TPR: variants seen among roughly 807,000 people sequenced by gnomAD.
TPR encodes nucleoprotein TPR.
In TPR, 51 loss-of-function variants were observed where a neutral mutation model predicts 316.1. The ratio of observed to expected loss-of-function variants is 0.16; its 90% CI spans 0.13 to 0.20. TPR has a LOEUF of 0.20. Ranked by LOEUF, TPR falls within the 10% of genes least tolerant of loss-of-function variation. TPR has a pLI of 1.00. For missense variants in TPR, 2,272 were observed against 2,754.8 expected (o/e 0.82, Z 3.92); for synonymous variants, 981 against 914.7 (o/e 1.07, Z -1.31).
intron 3 of TPR, among the ~76,000 whole-genome samples, chr1:186,369,604 T>A (rs1309236593): frequency 6.6e-6 from 1 of 152,200 alleles, no homozygotes; most frequent in Non-Finnish European, 1.5e-5. Flanking sequence ...ATCCTTCAAT[T>A]GTATAAATTC....
chr1:186,350,132 A>G, intron 21 of TPR, 91 bp downstream of exon 21: 1 of 1,215,252 alleles, frequency 8.2e-7, no homozygotes, highest in Non-Finnish European at 1.1e-6. Context: ...TAGCATTCAC[A>G]AAGAATTAGG....
chr1:186,365,092 A>C (rs75906210), intron 4 of TPR, among the ~76,000 whole-genome samples: 20,584 of 132,990 alleles, frequency 0.15, 1,559 homozygotes, highest in Non-Finnish European at 0.17. Context: ...TTGCTAGTAA[A>C]GGGGCTGCCC....
intron 29 of TPR, 49 bp downstream of exon 29, chr1:186,340,979 A>G: frequency 6.3e-7 from 1 of 1,582,584 alleles, no homozygotes; most frequent in Non-Finnish European, 8.6e-7. Flanking sequence ...TTCCCCTATT[A>G]TTAAAAACAC....
At chr1:186,344,228 A>AG (rs1658607325) in intron 25 of TPR, 138 bp from the exon 26 acceptor site, 1 of 1,356,380 alleles carries the variant, frequency 7.4e-7, no homozygotes, top group Non-Finnish European at 1.0e-6. Context: ...TGAACCCAGC[A>AG]GGTGGAGATT....
intron 48 of TPR, 34 bp downstream of exon 48, chr1:186,318,413 T>C: frequency 1.9e-6 from 3 of 1,592,318 alleles, no homozygotes; most frequent in Non-Finnish European, 2.6e-6. Flanking sequence ...CTGTTGAGAC[T>C]AAAGCAAGCA....
chr1:186,362,766 A>G (rs1659235384), intron 6 of TPR, 71 bp downstream of exon 6: 4 of 1,330,600 alleles, frequency 3.0e-6, no homozygotes, highest in Non-Finnish European at 4.1e-6. Context: ...TACTGAATAC[A>G]TATTTAATAA....
rs759282483 is a variant in TPR at position 186,362,801 on chromosome 1, C to T, written c.696+36G>A. On this transcript the variant is annotated intron_variant, in intron 6 of 50. Transcript: ENST00000367478. Reference sequence around the variant, plus strand: ...AACTGACATACAAATGTAAGTTATACTCAACATGAAGAAAAACACAATTTT... The same window carrying T: ...AACTGACATACAAATGTAAGTTATATTCAACATGAAGAAAAACACAATTTT... 2.0e-6 allele frequency: 3 copies of T among 1,538,008 alleles called. No homozygotes were observed. In the African/African-American group the frequency reaches 4.2e-5, roughly 21 times the overall value.
At chr1:186,369,472 T>C (rs1444017263) in intron 3 of TPR, among the ~76,000 whole-genome samples, 1 of 152,186 alleles carries the variant, frequency 6.6e-6, no homozygotes, top group Non-Finnish European at 1.5e-5. Flanking sequence ...ACCTCCCAGG[T>C]TAAATTTATT....
chr1:186,318,587 C>A lies in TPR; in HGVS notation c.6681G>T (p.Glu2227Asp). 1 of 1,611,484 alleles carries A rather than the reference C, an allele frequency of 6.2e-7. No homozygotes were observed. Among genetic ancestry groups the A allele is most frequent in the South Asian group, 1.1e-5 (1 of 90,250 alleles). The change falls in exon 48 of 51, where the codon GAG becomes GAT. Residue 2227 changes from glutamate to aspartate, a missense_variant. Glu to Asp is a conservative substitution (Grantham distance 45). Coordinates refer to ENST00000367478, the MANE Select transcript of TPR (RefSeq NM_003292.3). ...GTTCCGAAGCATCAGAGGTGGTGCTCTCAGTAAATACAGTCACTTTAAAAA... is the reference window on the plus strand; with the variant it reads ...GTTCCGAAGCATCAGAGGTGGTGCTATCAGTAAATACAGTCACTTTAAAAA... ...QVAAPVTVFT[E>D]STTSDASEHA...
intron 14 of TPR, 52 bp downstream of exon 14, chr1:186,357,345 C>G (rs767500118): frequency 1.3e-6 from 2 of 1,574,018 alleles, no homozygotes; most frequent in South Asian, 2.2e-5. Flanking sequence ...CTGAGCCTAG[C>G]TGAGGTTTTC....
At chr1:186,373,689 G>A (rs1432313773) in intron 1 of TPR, among the ~76,000 whole-genome samples, 1 of 152,052 alleles carries the variant, frequency 6.6e-6, no homozygotes, top group Non-Finnish European at 1.5e-5. Context: ...TAAAAATAAG[G>A]CCTAAAAGGG....
intron 4 of TPR, among the ~76,000 whole-genome samples, chr1:186,365,594 G>A (rs1296967354): frequency 6.6e-6 from 1 of 152,146 alleles, no homozygotes; most frequent in African/African-American, 2.4e-5. Flanking sequence ...TCAACACTGT[G>A]GAAGAGAACC....
At chr1:186,369,297 C>T (rs1003053780) in intron 3 of TPR, among the ~76,000 whole-genome samples, 1 of 151,914 alleles carries the variant, frequency 6.6e-6, no homozygotes, top group Non-Finnish European at 1.5e-5. Context: ...CGAAGAATGC[C>T]TTTGGAATTC....
At chr1:186,324,408 T>G (rs1657857284) in intron 42 of TPR, among the ~76,000 whole-genome samples, 1 of 152,144 alleles carries the variant, frequency 6.6e-6, no homozygotes, top group South Asian at 2.1e-4. Flanking sequence ...ATCTTTTGGT[T>G]TTCCTGAATT....
chr1:186,343,171 T>G, intron 27 of TPR, 155 bp downstream of exon 27: 1 of 959,084 alleles, frequency 1.0e-6, no homozygotes, highest in Non-Finnish European at 1.5e-6. Context: ...TTAAGCACTA[T>G]ACTATATTAG....
Position 186,333,013 on chromosome 1 carries a change from T to C in TPR, c.5455+109A>G, listed in dbSNP as rs920952863. The C allele has an allele frequency of 1.1e-5, 15 of 1,344,080 alleles. No individual in the cohort carries two copies. The Admixed American group carries it at 3.9e-4, about 35-fold the overall frequency. The allele number at this position is 1,344,080 out of a possible 1,614,324, so 83.3% of individuals were successfully genotyped here. ...AAGATATTATAATTGCGTAGGTCTA[T>C]TCTAACTTCATTTGTACAAAGAATA... On this transcript the variant is annotated intron_variant, in intron 37 of 50. Transcript: ENST00000367478.
intron 44 of TPR, 47 bp downstream of exon 44, chr1:186,322,471 A>C: frequency 3.7e-6 from 6 of 1,612,864 alleles, no homozygotes; most frequent in Non-Finnish European, 5.1e-6. Flanking sequence ...CTATATAAAT[A>C]TCTGCTCAAG....
At chr1:186,362,730 C>A (rs2101985954) in intron 6 of TPR, 107 bp downstream of exon 6, 3 of 982,824 alleles carry the variant, frequency 3.1e-6, no homozygotes, top group South Asian at 1.9e-5. Context: ...TTTAACCACT[C>A]ATCTTACAAC....
intron 21 of TPR, among the ~76,000 whole-genome samples, chr1:186,348,262 C>A (rs1009492727): frequency 1.3e-5 from 2 of 151,922 alleles, no homozygotes; most frequent in African/African-American, 2.4e-5. Context: ...TATGAACAGC[C>A]GCTCTGGGAA....
Sources: gnomAD v4.1 joint callset for allele counts (sites outside exome capture counted in the v4.1 genomes callset) on GRCh38, gnomAD v4.1.1 for gene constraint, MANE v1.5 for transcripts, NCBI Gene and HGNC (gene_info 2026-07-23, HGNC 2026-07-21) for gene names.